The following FAM90A20 variants were observed in gnomAD, a reference collection of about 807,000 sequenced individuals.
The protein encoded by FAM90A20 is protein FAM90A20.
At chr8:7,296,154 G>T in the FAM90A20 span, 43 of 614,068 alleles carry the variant, frequency 7.0e-5, 3 homozygotes, top group East Asian at 1.3e-3. Context: ...GTGAGGGAAG[G>T]TGCAGAGGCG....
the FAM90A20 span, chr8:7,297,408 A>G: frequency 1.9e-6 from 3 of 1,547,314 alleles, no homozygotes; most frequent in Admixed American, 1.7e-5. Context: ...CAGGCACAAG[A>G]CAAACGTCCT....
chr8:7,297,071 G>T, the FAM90A20 span: 61 of 1,506,636 alleles, frequency 4.0e-5, 3 homozygotes, highest in Admixed American at 7.2e-4. Context: ...GGTTGCAAGG[G>T]GGCCAATGCC....
chr8:7,297,936 C>T, the FAM90A20 span: 7 of 695,256 alleles, frequency 1.0e-5, no homozygotes, highest in East Asian at 8.1e-5. Flanking sequence ...AAGTCTGAGG[C>T]TCCCTGTGTT....
At chr8:7,296,525 C>G in the FAM90A20 span, 4 of 631,662 alleles carry the variant, frequency 6.3e-6, 1 homozygote, top group Non-Finnish European at 1.2e-5. Context: ...GTCAGGGCCT[C>G]CACGATCCTT....
chr8:7,297,670 G>C, the FAM90A20 span: 12 of 1,391,586 alleles, frequency 8.6e-6, 2 homozygotes, highest in South Asian at 1.1e-4. Flanking sequence ...GGTCGCCCCA[G>C]ATGGGCAGGA....
the FAM90A20 span, chr8:7,297,372 A>C: frequency 6.7e-7 from 1 of 1,488,494 alleles, no homozygotes; most frequent in East Asian, 2.2e-5. Flanking sequence ...TCCAAAACCC[A>C]CGGCCTGCTC....
chr8:7,296,820 A>T, the FAM90A20 span, among the ~76,000 whole-genome samples: 1 of 136,226 alleles, frequency 7.3e-6, no homozygotes, highest in Admixed American at 6.8e-5. Context: ...GTTAATGCCC[A>T]AGACGCAATC....
chr8:7,297,231 A>C, the FAM90A20 span: 1 of 1,509,164 alleles, frequency 6.6e-7, no homozygotes, highest in Non-Finnish European at 9.0e-7. Context: ...GGACCAAAGG[A>C]AAGACAGACA....
the FAM90A20 span, among the ~76,000 whole-genome samples, chr8:7,296,801 T>G: frequency 7.3e-6 from 1 of 136,176 alleles, no homozygotes; most frequent in Non-Finnish European, 1.5e-5. Flanking sequence ...GTGGAGGCAC[T>G]TTGATCCAGT....
chr8:7,296,740 C>G, the FAM90A20 span, among the ~76,000 whole-genome samples: 23 of 135,892 alleles, frequency 1.7e-4, 3 homozygotes, highest in Admixed American at 5.5e-4. Flanking sequence ...CCTTGAGCCA[C>G]CAACCTGCCT....
the FAM90A20 span, chr8:7,297,498 C>T: frequency 7.9e-6 from 12 of 1,521,506 alleles, 3 homozygotes; most frequent in East Asian, 1.1e-4. Flanking sequence ...GGGTCAGGAG[C>T]CAAGAGACCT....
chr8:7,296,889 T>G, the FAM90A20 span, among the ~76,000 whole-genome samples: 2 of 137,080 alleles, frequency 1.5e-5, no homozygotes, highest in Admixed American at 6.7e-5. Context: ...ATCGTTCATG[T>G]GTCTTTTCCT....
chr8:7,297,426 C>T, the FAM90A20 span: 4 of 1,554,572 alleles, frequency 2.6e-6, no homozygotes, highest in East Asian at 2.2e-5. Context: ...CCTGCGGTGA[C>T]CTCACAGCCC....
the FAM90A20 span, among the ~76,000 whole-genome samples, chr8:7,296,760 C>T: frequency 6.5e-4 from 88 of 134,694 alleles, 13 homozygotes; most frequent in Admixed American, 1.7e-3. Context: ...TTCGGAAAGC[C>T]ATTAGTCCGT....
At chr8:7,296,897 C>A in the FAM90A20 span, among the ~76,000 whole-genome samples, 8 of 137,120 alleles carry the variant, frequency 5.8e-5, 3 homozygotes, top group Non-Finnish European at 1.2e-4. Flanking sequence ...TGTGTCTTTT[C>A]CTGATCAGCA....
chr8:7,297,027 G>C, the FAM90A20 span: 6 of 1,455,866 alleles, frequency 4.1e-6, 1 homozygote, highest in South Asian at 3.6e-5. Context: ...TCCATGCTGA[G>C]GAACTTCTAA....
At chr8:7,296,868 C>G in the FAM90A20 span, among the ~76,000 whole-genome samples, 9 of 136,862 alleles carry the variant, frequency 6.6e-5, no homozygotes, top group East Asian at 2.0e-4. Flanking sequence ...CTACACATAG[C>G]TCGATAGCGC....
At chr8:7,296,938 G>A in the FAM90A20 span, 1 of 833,896 alleles carries the variant, frequency 1.2e-6, no homozygotes, top group Admixed American at 2.1e-5. Flanking sequence ...CTACTTCCAA[G>A]GACCGCCTGT....
At chr8:7,297,749 C>G in the FAM90A20 span, 6 of 1,482,880 alleles carry the variant, frequency 4.0e-6, no homozygotes, top group Non-Finnish European at 5.5e-6. Context: ...GCCTACTGCC[C>G]AGGCCTGCAC....
Sources: allele counts gnomAD v4.1 joint callset (sites outside exome capture counted in the v4.1 genomes callset), GRCh38; gene constraint gnomAD v4.1.1; transcripts MANE v1.5; gene names NCBI Gene and HGNC (gene_info 2026-07-23, HGNC 2026-07-21).